Variants in FAM13A observed in about 807,000 individuals in gnomAD.
FAM13A encodes family with sequence similarity 13 member A.
A neutral mutation model predicts 129.6 loss-of-function variants in FAM13A; 76 were observed. The ratio of observed to expected loss-of-function variants is 0.59; its 90% confidence interval spans 0.49 to 0.71. FAM13A has a LOEUF of 0.71. Ranked by LOEUF, FAM13A falls within the 30% of genes least tolerant of loss-of-function variation. The pLI, the probability that FAM13A is intolerant of heterozygous loss-of-function variation, is 0.00. For missense variants in FAM13A, 1,108 were observed against 1,249.3 expected, an observed-to-expected ratio of 0.89 and a Z score of 1.70; for synonymous variants, 443 against 449.9, an observed-to-expected ratio of 0.98 and a Z score of 0.20.
intron 4 of FAM13A, among the ~76,000 whole-genome samples, chr4:88,978,435 A>C (rs1337184628): frequency 6.6e-6 from 1 of 152,228 alleles, no homozygotes; most frequent in African/African-American, 2.4e-5. Context: ...AAAAGAAAAA[A>C]AAATGCTGTA....
chr4:89,001,111 C>A (rs1446917530), intron 3 of FAM13A, among the ~76,000 whole-genome samples: 2 of 152,134 alleles, frequency 1.3e-5, no homozygotes, highest in African/African-American at 4.8e-5. Context: ...CATACGTGTA[C>A]CCAGTAAAGA....
chr4:88,878,961 T>C (rs531534940), intron 6 of FAM13A, among the ~76,000 whole-genome samples: 1 of 152,248 alleles, frequency 6.6e-6, no homozygotes, highest in Non-Finnish European at 1.5e-5. Flanking sequence ...ATTTAGCTAA[T>C]TACTTTGTGA....
At position 88,945,990 on chromosome 4, in the gene FAM13A, G is replaced by GTATATATA. The variant is rs199936059; in HGVS notation, c.606-7757_606-7750dup. Among the ~76,000 whole-genome samples, 441 of 61,764 alleles carry GTATATATA rather than the reference G, an allele frequency of 7.1e-3. 7 individuals carry two copies. Among genetic ancestry groups the GTATATATA allele is most frequent in the African/African-American group, 0.016 (185 of 11,512 alleles). The allele number at this position is 61,764 out of a possible 152,430, so 40.5% of individuals were successfully genotyped here. A position where few individuals can be genotyped will look rare whatever the true frequency, so the allele number is the denominator to read the frequency against. On this transcript the variant is annotated intron_variant, in intron 4 of 23. Transcript: ENST00000264344. ...TGTGTGTGTGTGTGTGTGTGTGTGT[G>GTATATATA]TATATATATATATATATATATATAT...
At chr4:88,827,613 T>C (rs936173004) in intron 7 of FAM13A, among the ~76,000 whole-genome samples, 2 of 152,228 alleles carry the variant, frequency 1.3e-5, no homozygotes, top group African/African-American at 4.8e-5. Flanking sequence ...GATGTAATTA[T>C]TCCCTTTGTG....
At chr4:88,902,618 A>G (rs1747466712) in intron 6 of FAM13A, among the ~76,000 whole-genome samples, 1 of 152,212 alleles carries the variant, frequency 6.6e-6, no homozygotes, top group Non-Finnish European at 1.5e-5. Flanking sequence ...TCAAAATAAT[A>G]AGAGCCATAT....
chr4:88,819,871 A>C (rs1178701374), intron 7 of FAM13A, among the ~76,000 whole-genome samples: 1 of 152,212 alleles, frequency 6.6e-6, no homozygotes, highest in African/African-American at 2.4e-5. Flanking sequence ...ATAGTTAATA[A>C]GATCCTGTCT....
intron 1 of FAM13A, among the ~76,000 whole-genome samples, chr4:89,033,754 A>G (rs980111036): frequency 3.3e-5 from 5 of 152,188 alleles, no homozygotes; most frequent in African/African-American, 1.2e-4. Context: ...TAGCTAACAC[A>G]TAGAAGGGAC....
At chr4:89,003,677 A>G (rs1764599450) in intron 3 of FAM13A, among the ~76,000 whole-genome samples, 1 of 152,102 alleles carries the variant, frequency 6.6e-6, no homozygotes, top group Non-Finnish European at 1.5e-5. Context: ...AAAAAGACAA[A>G]TATTGTCAGA....
chr4:88,997,304 A>G (rs1037427013), intron 3 of FAM13A, among the ~76,000 whole-genome samples: 2 of 152,220 alleles, frequency 1.3e-5, no homozygotes, highest in African/African-American at 2.4e-5. Flanking sequence ...TTTGACATCA[A>G]TCTTAGGACA....
At chr4:88,945,996 A>G (rs9683570) in intron 4 of FAM13A, among the ~76,000 whole-genome samples, 1,155 of 21,246 alleles carry the variant, frequency 0.054, 46 homozygotes, top group Non-Finnish European at 0.085. Context: ...GTGTGTATAT[A>G]TATATATATA....
At chr4:88,852,687 T>C (rs1168861621) in intron 6 of FAM13A, among the ~76,000 whole-genome samples, 1 of 152,184 alleles carries the variant, frequency 6.6e-6, no homozygotes, top group Non-Finnish European at 1.5e-5. Context: ...ATTTTTACCA[T>C]AAAGTCTAGC....
intron 7 of FAM13A, among the ~76,000 whole-genome samples, chr4:88,841,350 C>T (rs867686222): frequency 1.8e-4 from 27 of 151,918 alleles, no homozygotes; most frequent in African/African-American, 6.3e-4. Flanking sequence ...AAAAATTAGC[C>T]AGGCATGGTG....
At position 89,020,470 on chromosome 4, in the gene FAM13A, T is replaced by C. The variant is rs760178790; in HGVS notation, c.417A>G (p.Gln139=). The C allele has an allele frequency of 5.0e-6, 8 of 1,613,276 alleles. No homozygotes were observed. The highest frequency in any genetic ancestry group is 6.8e-6 in the Non-Finnish European group (8 of 1,179,408). The change falls in exon 3 of 24, where the codon CAA becomes CAG. Residue 139 remains glutamine, a synonymous_variant. Coordinates refer to ENST00000264344, the MANE Select transcript of FAM13A (RefSeq NM_014883.4). ...ITSALQPRFI[Q]LFQDGRNDVQ... ...ATTTATTGTACTAACCCTGAAAGAG[T>C]TGAATGAATCGAGGCTGCAACGCTG...
chr4:89,050,289 T>C (rs1444552620), intron 1 of FAM13A, among the ~76,000 whole-genome samples: 1 of 152,050 alleles, frequency 6.6e-6, no homozygotes, highest in Admixed American at 6.6e-5. Context: ...TCTGCAACCC[T>C]GCCCCTGGGT....
At chr4:88,921,877 CA>C (rs1561343089) in intron 5 of FAM13A, among the ~76,000 whole-genome samples, 1 of 151,474 alleles carries the variant, frequency 6.6e-6, no homozygotes, top group African/African-American at 2.4e-5. Context: ...AAATGGAAAA[CA>C]AAAAAAGGCA....
chr4:88,780,986 C>T (rs183021314), intron 11 of FAM13A, among the ~76,000 whole-genome samples, 179 bp downstream of exon 11: 50 of 151,014 alleles, frequency 3.3e-4, no homozygotes, highest in Admixed American at 2.4e-3. Flanking sequence ...TAATATTTCT[C>T]GGCCTTAATT....
chr4:88,995,632 G>A (rs987920367), intron 3 of FAM13A, among the ~76,000 whole-genome samples: 7 of 152,148 alleles, frequency 4.6e-5, no homozygotes, highest in African/African-American at 1.7e-4. Context: ...ACTGAAGGCT[G>A]TGCTGTGGGC....
At chr4:88,916,620 T>G (rs1750164550) in intron 5 of FAM13A, among the ~76,000 whole-genome samples, 1 of 152,330 alleles carries the variant, frequency 6.6e-6, no homozygotes, top group East Asian at 1.9e-4. Flanking sequence ...TATGCAAGTG[T>G]GCAAGTGTCT....
At chr4:88,781,419 A>G in intron 10 of FAM13A, 68 bp from the exon 11 acceptor site, 1 of 1,029,770 alleles carries the variant, frequency 9.7e-7, no homozygotes, top group Non-Finnish European at 1.4e-6. Flanking sequence ...TACTCTAACT[A>G]CATCATATCA....
Sources: gnomAD v4.1 joint callset for allele counts (sites outside exome capture counted in the v4.1 genomes callset) on GRCh38, gnomAD v4.1.1 for gene constraint, MANE v1.5 for transcripts, NCBI Gene and HGNC (gene_info 2026-07-23, HGNC 2026-07-21) for gene names.